The following PRDM14 variants were observed in gnomAD, a reference collection of about 807,000 sequenced individuals.
The protein encoded by PRDM14 is PR domain zinc finger protein 14.
PRDM14 carries 16 observed loss-of-function variants against 48.0 expected under a neutral mutation model. The ratio of observed to expected loss-of-function variants is 0.33; its 90% CI spans 0.23 to 0.51. PRDM14 has a LOEUF of 0.51. Among genes scored for constraint, PRDM14 ranks in the 20% least tolerant of loss-of-function variants. The pLI is 0.97. For missense variants in PRDM14, 566 were observed against 719.6 expected, an observed-to-expected ratio of 0.79 and a Z score of 2.44; for synonymous variants, 264 against 276.6, an observed-to-expected ratio of 0.95 and a Z score of 0.45.
chr8:70,057,028 C>T (rs1331088612), intron 6 of PRDM14, among the ~76,000 whole-genome samples: 2 of 150,452 alleles, frequency 1.3e-5, no homozygotes, highest in South Asian at 2.1e-4. Flanking sequence ...TGCGGTGGCG[C>T]GATCTCGGCT....
chr8:70,054,344 A>G (rs989531975), intron 7 of PRDM14, among the ~76,000 whole-genome samples: 1 of 152,196 alleles, frequency 6.6e-6, no homozygotes, highest in Non-Finnish European at 1.5e-5. Context: ...AGAGTTTTAT[A>G]TACTTTACTG....
intron 5 of PRDM14, among the ~76,000 whole-genome samples, chr8:70,060,598 A>T (rs1033521461): frequency 6.1e-4 from 93 of 152,158 alleles, no homozygotes; most frequent in African/African-American, 1.9e-3. Context: ...TATGGTTGCT[A>T]TGTCTCTTAA....
Position 70,069,667 on chromosome 8 carries a change from G to A in PRDM14, c.194C>T (p.Ala65Val). Residue 65 changes from alanine (A) to valine (V), a missense_variant, in exon 2 of 8, where the codon GCC becomes GTC. Around this residue, in one of 3 missense-constraint regions of PRDM14, gnomAD observed 410 missense variants for 424.6 expected, o/e 0.97. Coordinates refer to ENST00000276594, the MANE Select transcript of PRDM14 (RefSeq NM_024504.4). ...QLEAAASAAP[A>V]MPPFPFRMAP... ...CATCCGGAAGGGGAAGGGGGGCATG[G>A]CGGGGGCAGCAGACGCTGCGGCCTC... The A allele has an allele frequency of 6.5e-7, 1 of 1,545,220 alleles. No individual in the cohort carries two copies. The highest frequency in any genetic ancestry group is 1.2e-5 in the South Asian group (1 of 83,828).
chr8:70,069,866 G>A lies in PRDM14; in HGVS notation c.-6C>T. On this transcript the variant is annotated 5_prime_UTR_variant, in exon 2 of 8. Transcript: ENST00000276594. ...CTTGGCCGGGGTAGAGCCATCCCGGGACCGCACGCTCGGCGGCTCTGCAGA... is the reference window on the plus strand; with the variant it reads ...CTTGGCCGGGGTAGAGCCATCCCGGAACCGCACGCTCGGCGGCTCTGCAGA... 2 of 1,579,342 alleles carry A rather than the reference G, an allele frequency of 1.3e-6. No homozygotes were observed. Among genetic ancestry groups the A allele is most frequent in the Non-Finnish European group, 1.7e-6 (2 of 1,161,140 alleles).
intron 6 of PRDM14, among the ~76,000 whole-genome samples, chr8:70,056,933 C>T (rs1448573401): frequency 2.6e-5 from 4 of 151,134 alleles, no homozygotes; most frequent in Admixed American, 2.0e-4. Context: ...CTGTCATCTA[C>T]TGACCTCCTG....
rs944922684 is a variant in PRDM14 at position 70,067,975 on chromosome 8, G to A, written c.912+255C>T. Among the ~76,000 whole-genome samples the A allele has an allele frequency of 9.9e-5, 15 of 152,242 alleles. No homozygotes were observed. In the Middle Eastern group the frequency reaches 0.017, roughly 173 times the overall value. On this transcript the variant is annotated intron_variant, in intron 4 of 7. Coordinates refer to ENST00000276594, the MANE Select transcript of PRDM14 (RefSeq NM_024504.4). Reference sequence around the variant, plus strand: ...AATACAACATATTGATTCTTTAAATGTATATTCCATTGCTAATCTTCCAGA... The same window carrying A: ...AATACAACATATTGATTCTTTAAATATATATTCCATTGCTAATCTTCCAGA...
At chr8:70,055,994 A>G (rs1367940206) in intron 6 of PRDM14, among the ~76,000 whole-genome samples, 1 of 152,224 alleles carries the variant, frequency 6.6e-6, no homozygotes, top group Non-Finnish European at 1.5e-5. Flanking sequence ...CAGAGCTATG[A>G]GTAAACTACA....
rs1184840439 is a variant in PRDM14 at position 70,069,151 on chromosome 8, C to T, written c.700+10G>A. The T allele has an allele frequency of 2.0e-6, 3 of 1,483,532 alleles. No homozygotes were observed. Among genetic ancestry groups the T allele is most frequent in the Non-Finnish European group, 1.8e-6 (2 of 1,117,610 alleles). 91.9% of individuals were successfully genotyped at this position (1,483,532 alleles called of 1,614,324 possible). A position where few individuals can be genotyped will look rare whatever the true frequency, so the allele number is the denominator to read the frequency against. On this transcript the variant is annotated intron_variant, in intron 2 of 7. Transcript: ENST00000276594. ...CAATTCGACTCCCAAATGGTGTGAA[C>T]TCCCTTTACCAGAGCTGTCTGGGGG...
In PRDM14 at chr8:70,053,252, G is replaced by T. The variant is rs537253809; in HGVS notation, c.1489-948C>A. 3.9e-5 allele frequency among the ~76,000 whole-genome samples: 6 copies of T among 152,236 alleles called. No homozygotes were observed. In the South Asian group the frequency reaches 1.2e-3, roughly 32 times the overall value. The stretch of plus-strand genomic sequence containing the variant: ...ATACTTCAAGACAAACCTCATTACA[G>T]AAAGAGAAGCTAATATCGACCAGAA... On this transcript the variant is annotated intron_variant, in intron 7 of 7. Transcript: ENST00000276594.
chr8:70,052,584 G>C (rs1370181146), intron 7 of PRDM14, among the ~76,000 whole-genome samples: 2 of 152,130 alleles, frequency 1.3e-5, no homozygotes, highest in Non-Finnish European at 2.9e-5. Context: ...CAGATTGCAG[G>C]CTGGGCGCAG....
rs201811227 is a variant in PRDM14, at chr8:70,058,851, C to T, written c.1184-9G>A. On this transcript the variant is annotated splice_polypyrimidine_tract_variant and intron_variant, in intron 5 of 7. Transcript: ENST00000276594. ...GTAGCCTTCTGCAGACTCTGTCAAA[C>T]ACAGCAAACACAATGTCTCTTCAGT... is the stretch of plus-strand genomic sequence containing the variant. 2 of 1,605,752 alleles carry T rather than the reference C, an allele frequency of 1.2e-6. No homozygotes were observed. Among genetic ancestry groups the T allele is most frequent in the East Asian group, 4.5e-5 (2 of 44,776 alleles).
Position 70,068,359 on chromosome 8 carries a change from A to G in PRDM14, c.783T>C (p.Gly261=). The part of the protein sequence containing the change: ...EGLCLMQTVF[G]EVPHFGVFCS... ...AGAACACACCAAAATGTGGGACTTC[A>G]CCAAACACCGTCTGCATGAGGCATA... Residue 261 remains glycine, a synonymous_variant, in exon 4 of 8, where the codon GGT becomes GGC. Coordinates refer to ENST00000276594, the MANE Select transcript of PRDM14 (RefSeq NM_024504.4). The G allele has an allele frequency of 6.2e-7, 1 of 1,614,198 alleles. No individual in the cohort carries two copies. Among genetic ancestry groups the G allele is most frequent in the East Asian group, 2.2e-5 (1 of 44,888 alleles).
At chr8:70,061,674 C>G (rs902356567) in intron 5 of PRDM14, among the ~76,000 whole-genome samples, 1 of 152,148 alleles carries the variant, frequency 6.6e-6, no homozygotes, top group South Asian at 2.1e-4. Context: ...AACCTAAGCA[C>G]TAAAGCACAC....
At chr8:70,067,443 A>G (rs1563442540) in intron 4 of PRDM14, among the ~76,000 whole-genome samples, 1 of 151,412 alleles carries the variant, frequency 6.6e-6, no homozygotes, top group Non-Finnish European at 1.5e-5. Context: ...GCTTGAACCC[A>G]GGAGGTGGAG....
intron 5 of PRDM14, among the ~76,000 whole-genome samples, chr8:70,060,210 G>A (rs1017674195): frequency 6.6e-6 from 1 of 152,000 alleles, no homozygotes; most frequent in Non-Finnish European, 1.5e-5. Context: ...AGACCAGCCT[G>A]GGCAACATAG....
chr8:70,067,773 C>A (rs1014887000), intron 4 of PRDM14, among the ~76,000 whole-genome samples: 2 of 151,696 alleles, frequency 1.3e-5, no homozygotes, highest in Non-Finnish European at 2.9e-5. Context: ...TGCAGTCCCA[C>A]TAGCATATCC....
intron 1 of PRDM14, among the ~76,000 whole-genome samples, chr8:70,070,660 A>G (rs1039696705): frequency 1.6e-4 from 25 of 152,164 alleles, no homozygotes; most frequent in African/African-American, 5.3e-4. Context: ...CAATCATTCT[A>G]CCAGGACTAT....
chr8:70,069,279 C>A lies in PRDM14; in HGVS notation c.582G>T (p.Arg194=), dbSNP rs1173763492. 4 of 1,610,774 alleles carry A rather than the reference C, an allele frequency of 2.5e-6. No individual in the cohort carries two copies. The East Asian group carries it at 6.7e-5, about 27-fold the overall frequency. ...GCAGGTCCTCCTCCGTGAACTGGAA[C>A]CGAGCAGGGGACTTCCCTTCTTGGT... ...PSNQEGKSPA[R]FQFTEEDLHF... is the part of the protein sequence containing the mutation. The change falls in exon 2 of 8, where the codon CGG becomes CGT. Residue 194 remains arginine, a synonymous_variant. Coordinates refer to ENST00000276594, the MANE Select transcript of PRDM14 (RefSeq NM_024504.4).
chr8:70,052,405 G>A, intron 7 of PRDM14, 101 bp from the exon 8 acceptor site: 1 of 938,062 alleles, frequency 1.1e-6, no homozygotes, highest in South Asian at 1.6e-5. Context: ...TCATCCTTAT[G>A]GACGAACCTT....
Sources: gnomAD v4.1 joint callset for allele counts (sites outside exome capture counted in the v4.1 genomes callset) on GRCh38, gnomAD v4.1.1 for gene constraint, gnomAD v4.1.1 regional missense constraint, MANE v1.5 for transcripts, NCBI Gene and HGNC (gene_info 2026-07-23, HGNC 2026-07-21) for gene names.